Variants in VWA8 observed in about 807,000 individuals in gnomAD.
The protein encoded by VWA8 is von Willebrand factor A domain-containing protein 8.
Under a neutral mutation model 241.5 loss-of-function variants are expected in VWA8, and 221 were observed. The observed-to-expected ratio is 0.91, with a 90% CI of 0.82 to 1.02. The LOEUF (loss-of-function observed/expected upper bound fraction) is 1.02, where lower values mean the gene tolerates loss of function less well. Among genes scored for constraint, VWA8 ranks in the 50% least tolerant of loss-of-function variants. The probability of loss-of-function intolerance (pLI) is 0.00; values close to 1 mark genes in which losing one functional copy is unlikely to be tolerated. For synonymous variants in VWA8, 852 were observed against 827.1 expected, an observed-to-expected ratio of 1.03 and a Z score of -0.52; for missense variants, 2,322 against 2,328.7, an observed-to-expected ratio of 1.00 and a Z score of 0.06.
chr13:41,609,256 T>C (rs78452797), intron 39 of VWA8, among the ~76,000 whole-genome samples: 337 of 152,312 alleles, frequency 2.2e-3, no homozygotes, highest in African/African-American at 7.9e-3. Context: ...CAGGATGCCA[T>C]AAAAGCATCA....
At position 41,859,539 on chromosome 13, in the gene VWA8, C is replaced by G. The variant is rs77057709; in HGVS notation, c.1425+6197G>C. Among the ~76,000 whole-genome samples the G allele has an allele frequency of 5.8e-4, 89 of 152,232 alleles. 1 individual carries two copies. In the East Asian group the frequency reaches 0.016, roughly 28 times the overall value. On this transcript the variant is annotated intron_variant, in intron 12 of 44. Transcript: ENST00000379310. ...GTAATTGATCAGAAGGAAAAGATCTCAGATCTAGTGTATTTATGATGATGT... is the reference window on the plus strand; with the variant it reads ...GTAATTGATCAGAAGGAAAAGATCTGAGATCTAGTGTATTTATGATGATGT...
At chr13:41,904,811 ACT>A (rs1051177648) in intron 4 of VWA8, among the ~76,000 whole-genome samples, 4 of 150,024 alleles carry the variant, frequency 2.7e-5, no homozygotes, top group Admixed American at 6.7e-5. Flanking sequence ...TAATCAAATA[ACT>A]CTATCCACTA....
At chr13:41,938,660 A>C (rs1467047021) in intron 2 of VWA8, among the ~76,000 whole-genome samples, 1 of 152,120 alleles carries the variant, frequency 6.6e-6, no homozygotes, top group Non-Finnish European at 1.5e-5. Context: ...CAAAAAAAAA[A>C]AAAATACATC....
intron 17 of VWA8, among the ~76,000 whole-genome samples, chr13:41,796,360 C>T (rs1049540400): frequency 6.6e-6 from 1 of 152,060 alleles, no homozygotes. Context: ...TTTTTAACTA[C>T]CAACTTTATT....
At chr13:41,803,626 G>A (rs760932635) in intron 17 of VWA8, among the ~76,000 whole-genome samples, 26 of 152,250 alleles carry the variant, frequency 1.7e-4, no homozygotes, top group Middle Eastern at 3.4e-3. Flanking sequence ...ATCCGCCCCC[G>A]TGATTAATTA....
At chr13:41,784,343 A>G (rs1869038054) in intron 18 of VWA8, among the ~76,000 whole-genome samples, 1 of 152,014 alleles carries the variant, frequency 6.6e-6, no homozygotes, top group African/African-American at 2.4e-5. Flanking sequence ...AAAAATACAG[A>G]TGAACTAACC....
intron 5 of VWA8, among the ~76,000 whole-genome samples, chr13:41,891,153 A>G (rs1464265096): frequency 2.0e-5 from 3 of 152,052 alleles, no homozygotes; most frequent in African/African-American, 7.3e-5. Context: ...AAAGAGAAGA[A>G]GAAAAAATAG....
intron 1 of VWA8, among the ~76,000 whole-genome samples, chr13:41,955,441 C>A (rs116170480): frequency 6.4e-4 from 98 of 152,338 alleles, no homozygotes; most frequent in African/African-American, 2.3e-3. Context: ...CCTTCTGGTG[C>A]ACCATATCCT....
Position 41,567,585 on chromosome 13 carries a change from G to C in VWA8, c.*612C>G, listed in dbSNP as rs933665227. ...AAGGCAAGCACTCCAAGGATTTTTT[G>C]ATTCCTTTTGGCTTTGGCCAAGAAA... On this transcript the variant is annotated 3_prime_UTR_variant, in exon 45 of 45. Coordinates refer to ENST00000379310, the MANE Select transcript of VWA8 (RefSeq NM_015058.2). 1 of 152,180 alleles carries C rather than the reference G, an allele frequency of 6.6e-6. No homozygotes were observed. The highest frequency in any genetic ancestry group is 2.4e-5 in the African/African-American group (1 of 41,444). 9.4% of individuals were successfully genotyped at this position (152,180 alleles called of 1,614,324 possible).
intron 26 of VWA8, among the ~76,000 whole-genome samples, chr13:41,705,155 A>G (rs1356753127): frequency 6.6e-6 from 1 of 152,204 alleles, no homozygotes; most frequent in African/African-American, 2.4e-5. Flanking sequence ...CTTCTAAGTC[A>G]TATGACATAA....
intron 7 of VWA8, 50 bp from the exon 8 acceptor site, chr13:41,886,078 G>C: frequency 1.6e-6 from 2 of 1,261,546 alleles, no homozygotes; most frequent in Non-Finnish European, 2.2e-6. Flanking sequence ...TATAAAATGT[G>C]TAAGTTGTTA....
chr13:41,730,938 C>A (rs1001147047), intron 22 of VWA8, among the ~76,000 whole-genome samples: 9 of 151,048 alleles, frequency 6.0e-5, no homozygotes, highest in Admixed American at 2.0e-4. Context: ...GTACAGCACA[C>A]CAGCATGGCA....
At chr13:41,820,998 A>C (rs553212935) in intron 14 of VWA8, among the ~76,000 whole-genome samples, 2 of 152,332 alleles carry the variant, frequency 1.3e-5, no homozygotes, top group East Asian at 3.9e-4. Context: ...TTCTCACTTA[A>C]GATAGTGAAG....
chr13:41,867,716 CAAA>C (rs1051684554), intron 10 of VWA8, among the ~76,000 whole-genome samples: 34 of 151,896 alleles, frequency 2.2e-4, no homozygotes, highest in Non-Finnish European at 4.0e-4. Context: ...AATATTAAAA[CAAA>C]AAAGTTTATC....
chr13:41,829,559 A>ACATG (rs1566473375), intron 14 of VWA8, among the ~76,000 whole-genome samples: 1 of 143,262 alleles, frequency 7.0e-6, no homozygotes, highest in African/African-American at 2.5e-5. Flanking sequence ...ACACACACAC[A>ACATG]CACACACATG....
At chr13:41,595,373 C>G (rs1327589802) in intron 40 of VWA8, among the ~76,000 whole-genome samples, 1 of 152,058 alleles carries the variant, frequency 6.6e-6, no homozygotes, top group African/African-American at 2.4e-5. Context: ...AATCTGCTGC[C>G]TTTTTCTTTC....
rs750385998 is a variant in VWA8 at position 41,777,966 on chromosome 13, G to C, written c.2349+19C>G. ...ACTATCATTTTTTCATTGGTACCTA[G>C]ATTTTAGCCATAACTCACCTGGTTG... On this transcript the variant is annotated intron_variant, in intron 20 of 44. Coordinates refer to ENST00000379310, the MANE Select transcript of VWA8 (RefSeq NM_015058.2). 4 of 1,591,378 alleles carry C rather than the reference G, an allele frequency of 2.5e-6. No homozygotes were observed. The highest frequency in any genetic ancestry group is 3.4e-6 in the Non-Finnish European group (4 of 1,169,822).
chr13:41,689,772 G>A (rs769093592), intron 33 of VWA8, among the ~76,000 whole-genome samples: 2 of 152,020 alleles, frequency 1.3e-5, no homozygotes, highest in Non-Finnish European at 2.9e-5. Flanking sequence ...TAGAAAAGAT[G>A]TAAAAACTGA....
chr13:41,689,578 T>C, intron 33 of VWA8, 70 bp from the exon 34 acceptor site: 1 of 1,368,508 alleles, frequency 7.3e-7, no homozygotes, highest in Non-Finnish European at 9.6e-7. Context: ...TGCAAGATTT[T>C]ATTCTCAACA....
Sources: gnomAD v4.1 joint callset for allele counts (sites outside exome capture counted in the v4.1 genomes callset) on GRCh38, gnomAD v4.1.1 for gene constraint, MANE v1.5 for transcripts, NCBI Gene and HGNC (gene_info 2026-07-23, HGNC 2026-07-21) for gene names.